SRGAP3: variants seen among roughly 807,000 people sequenced by gnomAD.
SRGAP3 encodes the protein SLIT-ROBO Rho GTPase activating protein 3, also known as SLIT-ROBO Rho GTPase-activating protein 3.
A neutral mutation model predicts 121.1 loss-of-function variants in SRGAP3; 39 were observed. The ratio of observed to expected loss-of-function variants is 0.32; its 90% CI spans 0.25 to 0.42. SRGAP3 has a LOEUF of 0.42. Among genes scored for constraint, SRGAP3 ranks in the 10% least tolerant of loss-of-function variants. SRGAP3 has a pLI of 1.00. For missense variants in SRGAP3, 1,213 were observed against 1,470.6 expected (o/e 0.82, Z 2.86); for synonymous variants, 601 against 570.0 (o/e 1.05, Z -0.77).
chr3:9,158,098 G>A (rs2675178), intron 1 of SRGAP3, among the ~76,000 whole-genome samples: 102,124 of 152,112 alleles, frequency 0.67, 34,841 homozygotes, highest in African/African-American at 0.73. Context: ...CTGTGCTCCA[G>A]GAGCCTGCTC....
At chr3:9,332,568 C>T (rs1211200839) in intron 1 of SRGAP3, among the ~76,000 whole-genome samples, 2 of 152,184 alleles carry the variant, frequency 1.3e-5, no homozygotes, top group Non-Finnish European at 2.9e-5. Context: ...TGAACAGATA[C>T]TGATGAGACA....
intron 1 of SRGAP3, among the ~76,000 whole-genome samples, chr3:9,204,858 G>C (rs1313596243): frequency 6.6e-6 from 1 of 152,224 alleles, no homozygotes; most frequent in Non-Finnish European, 1.5e-5. Flanking sequence ...CCAGCAGAGC[G>C]GTGACGCTGA....
chr3:9,330,490 C>A, intron 2 of SRGAP3: 1 of 164,950 alleles, frequency 6.1e-6, no homozygotes, highest in South Asian at 1.6e-4. Flanking sequence ...CCCAGCCACT[C>A]TGAGAGATCA....
At chr3:9,186,849 C>G (rs1389865290) in intron 1 of SRGAP3, among the ~76,000 whole-genome samples, 1 of 152,208 alleles carries the variant, frequency 6.6e-6, no homozygotes, top group Non-Finnish European at 1.5e-5. Context: ...TACAGAGGAA[C>G]AGCTTGTCAT....
At chr3:9,350,684 G>C (rs959343641) in intron 1 of SRGAP3, among the ~76,000 whole-genome samples, 1 of 152,168 alleles carries the variant, frequency 6.6e-6, no homozygotes, top group Non-Finnish European at 1.5e-5. Context: ...TTTTAATAAA[G>C]AGATCAGACA....
At chr3:9,173,165 T>G (rs1284085055) in intron 1 of SRGAP3, among the ~76,000 whole-genome samples, 1 of 152,220 alleles carries the variant, frequency 6.6e-6, no homozygotes. Flanking sequence ...CCACACTCCC[T>G]GCTTCAGCGG....
chr3:9,321,384 G>A (rs1245645507), intron 3 of SRGAP3, among the ~76,000 whole-genome samples: 1 of 151,926 alleles, frequency 6.6e-6, no homozygotes, highest in Non-Finnish European at 1.5e-5. Context: ...TTTTGAGGTA[G>A]TTTGTTATAT....
chr3:9,056,426 C>T (rs1945825842), intron 7 of SRGAP3, 92 bp from the exon 8 acceptor site: 3 of 1,352,444 alleles, frequency 2.2e-6, no homozygotes, highest in Admixed American at 1.8e-5. Flanking sequence ...ATCCCAATCA[C>T]AGTCCAGGAA....
chr3:9,111,801 G>A (rs1213526300), intron 2 of SRGAP3, among the ~76,000 whole-genome samples: 3 of 152,186 alleles, frequency 2.0e-5, no homozygotes, highest in Non-Finnish European at 2.9e-5. Context: ...GAGGGCCAGT[G>A]CCCTCGGCCA....
At chr3:9,335,666 C>T (rs1019244256) in intron 1 of SRGAP3, among the ~76,000 whole-genome samples, 6 of 152,170 alleles carry the variant, frequency 3.9e-5, no homozygotes, top group Non-Finnish European at 7.3e-5. Context: ...TTGAGCCCCA[C>T]CCCAGACCTA....
At position 9,195,631 on chromosome 3, in the gene SRGAP3, C is replaced by A. The variant is rs141730517; in HGVS notation, c.67+53254G>T. On this transcript the variant is annotated intron_variant, in intron 1 of 21. Coordinates refer to ENST00000383836, the MANE Select transcript of SRGAP3 (RefSeq NM_014850.4). ...AGGCACACCAATAAACAGCATGCACCCAAGGCCCCGTCTCAGGCTCTATTT... is the reference window on the plus strand; with the variant it reads ...AGGCACACCAATAAACAGCATGCACACAAGGCCCCGTCTCAGGCTCTATTT... Among the ~76,000 whole-genome samples, 438 of 152,200 alleles carry A rather than the reference C, an allele frequency of 2.9e-3. 2 individuals are homozygous for A. Among genetic ancestry groups the A allele is most frequent in the African/African-American group, 0.01 (416 of 41,510 alleles).
chr3:9,288,327 G>A (rs976630627), intron 3 of SRGAP3, among the ~76,000 whole-genome samples: 7 of 151,020 alleles, frequency 4.6e-5, no homozygotes, highest in Non-Finnish European at 7.4e-5. Flanking sequence ...TAGTAGAGAC[G>A]GGTTTCACCA....
intron 1 of SRGAP3, among the ~76,000 whole-genome samples, chr3:9,191,280 A>G (rs576185549): frequency 7.2e-5 from 11 of 152,366 alleles, no homozygotes; most frequent in Middle Eastern, 3.4e-3. Flanking sequence ...GAAAAAGCTG[A>G]AAAGGAATAT....
chr3:9,360,317 A>C (rs2030726043), intron 1 of SRGAP3, among the ~76,000 whole-genome samples: 1 of 152,222 alleles, frequency 6.6e-6, no homozygotes, highest in South Asian at 2.1e-4. Context: ...ATGGGATTAT[A>C]TCCCAATAAA....
At chr3:9,032,832 C>A in intron 11 of SRGAP3, 80 bp from the exon 12 acceptor site, 1 of 1,274,560 alleles carries the variant, frequency 7.8e-7, no homozygotes, top group Non-Finnish European at 1.1e-6. Context: ...TTAAAACCCA[C>A]GACTAAAGGG....
At chr3:9,125,775 C>G (rs1351392888) in intron 1 of SRGAP3, among the ~76,000 whole-genome samples, 1 of 152,202 alleles carries the variant, frequency 6.6e-6, no homozygotes, top group African/African-American at 2.4e-5. Context: ...AAGAGCTGCT[C>G]AACAGATCAG....
intron 12 of SRGAP3, among the ~76,000 whole-genome samples, chr3:9,029,879 T>C (rs942403782): frequency 6.6e-5 from 10 of 151,980 alleles, no homozygotes; most frequent in African/African-American, 2.4e-4. Flanking sequence ...CAGTGGCGCA[T>C]GCCTGTAATC....
chr3:9,281,945 C>A (rs1409292140), intron 3 of SRGAP3, among the ~76,000 whole-genome samples: 2 of 152,182 alleles, frequency 1.3e-5, no homozygotes, highest in African/African-American at 4.8e-5. Flanking sequence ...GGACTACAGG[C>A]ATGAGCCACT....
intron 3 of SRGAP3, among the ~76,000 whole-genome samples, chr3:9,089,753 G>A (rs1192045702): frequency 2.0e-5 from 3 of 152,160 alleles, no homozygotes; most frequent in Non-Finnish European, 1.5e-5. Flanking sequence ...GCTCCTGTTT[G>A]CCTGGCCACA....
Sources: allele counts gnomAD v4.1 joint callset (sites outside exome capture counted in the v4.1 genomes callset), GRCh38; gene constraint gnomAD v4.1.1; transcripts MANE v1.5; gene names NCBI Gene and HGNC (gene_info 2026-07-23, HGNC 2026-07-21).